Variants in MARCHF1 observed in about 807,000 individuals in gnomAD.
The protein encoded by MARCHF1 is E3 ubiquitin-protein ligase MARCHF1.
Under a neutral mutation model 54.2 loss-of-function variants are expected in MARCHF1, and 40 were observed. That is an observed-to-expected ratio of 0.74 (90% confidence interval 0.57 to 0.96). The LOEUF is 0.96. Among genes scored for constraint, MARCHF1 ranks in the 40% least tolerant of loss-of-function variants. The probability of loss-of-function intolerance (pLI) is 0.00; values close to 1 mark genes in which losing one functional copy is unlikely to be tolerated. For synonymous variants in MARCHF1, 236 were observed against 236.3 expected, an observed-to-expected ratio of 1.00 and a Z score of 0.01; for missense variants, 586 against 656.5, an observed-to-expected ratio of 0.89 and a Z score of 1.17.
intron 8 of MARCHF1, among the ~76,000 whole-genome samples, chr4:163,556,550 TGA>T (rs1739293179): frequency 7.9e-6 from 1 of 126,472 alleles, no homozygotes; most frequent in South Asian, 2.4e-4. Context: ...GTAATTGAGT[TGA>T]TTTTTTTTTT....
At chr4:163,876,611 G>A (rs1324085353) in intron 3 of MARCHF1, among the ~76,000 whole-genome samples, 1 of 148,472 alleles carries the variant, frequency 6.7e-6, no homozygotes, top group Non-Finnish European at 1.5e-5. Flanking sequence ...ACAGGATCAA[G>A]GTAAGGCACA....
At chr4:164,302,249 A>G (rs1240760766) in intron 1 of MARCHF1, among the ~76,000 whole-genome samples, 1 of 152,130 alleles carries the variant, frequency 6.6e-6, no homozygotes, top group African/African-American at 2.4e-5. Flanking sequence ...GGGAACCCCA[A>G]AACATTGGGC....
chr4:163,759,851 C>T (rs1376059986), intron 4 of MARCHF1, among the ~76,000 whole-genome samples: 1 of 152,132 alleles, frequency 6.6e-6, no homozygotes, highest in African/African-American at 2.4e-5. Context: ...TCTCTCTTCA[C>T]TTTCGGTAGG....
intron 2 of MARCHF1, among the ~76,000 whole-genome samples, chr4:164,000,435 A>G (rs1331573696): frequency 6.6e-6 from 1 of 151,640 alleles, no homozygotes; most frequent in Admixed American, 6.6e-5. Context: ...TAGGTTTTGG[A>G]TGGAAAATTC....
At chr4:163,810,915 C>T (rs1748366039) in intron 4 of MARCHF1, among the ~76,000 whole-genome samples, 1 of 152,118 alleles carries the variant, frequency 6.6e-6, no homozygotes, top group African/African-American at 2.4e-5. Flanking sequence ...GCAATAGTGA[C>T]TCAGATACTT....
At chr4:164,351,162 C>T (rs554209252) in intron 1 of MARCHF1, among the ~76,000 whole-genome samples, 1 of 151,674 alleles carries the variant, frequency 6.6e-6, no homozygotes, top group South Asian at 2.1e-4. Flanking sequence ...GATCAAACTG[C>T]AAGGCGGCAG....
intron 1 of MARCHF1, among the ~76,000 whole-genome samples, chr4:164,373,825 A>AT (rs1479265609): frequency 2.0e-5 from 3 of 152,184 alleles, no homozygotes; most frequent in African/African-American, 7.2e-5. Context: ...CCAAGAGAGA[A>AT]TGAGTGGCTT....
chr4:163,926,637 C>T lies in MARCHF1; in HGVS notation c.-39+61864G>A, dbSNP rs778544844. Among the ~76,000 whole-genome samples, 31 of 151,542 alleles carry T rather than the reference C, an allele frequency of 2.0e-4. 1 individual carries two copies. Among genetic ancestry groups the T allele is most frequent in the Non-Finnish European group, 4.6e-4 (31 of 67,628 alleles). On this transcript the variant is annotated intron_variant, in intron 3 of 9. Transcript: ENST00000514618. ...CAGTTGCTCTACATCCTTAAAAATA[C>T]TTAGAAATATCAGTAATTTTAAAAA...
intron 1 of MARCHF1, among the ~76,000 whole-genome samples, chr4:164,220,090 C>T (rs1398408544): frequency 6.6e-6 from 1 of 151,666 alleles, no homozygotes; most frequent in Admixed American, 6.6e-5. Flanking sequence ...CTAAATCCCT[C>T]CTTCCGAAAT....
chr4:163,568,626 C>T (rs1005712292), intron 8 of MARCHF1, among the ~76,000 whole-genome samples: 1 of 152,222 alleles, frequency 6.6e-6, no homozygotes, highest in South Asian at 2.1e-4. Context: ...TTGGAGCACG[C>T]ACCTTCTTCA....
At chr4:163,676,357 C>CA (rs201672647) in intron 5 of MARCHF1, among the ~76,000 whole-genome samples, 9,598 of 106,222 alleles carry the variant, frequency 0.09, 1,075 homozygotes, top group African/African-American at 0.27. Context: ...AACTCTGTCT[C>CA]AAAAAAAAAA....
In MARCHF1 at chr4:163,797,330, T is replaced by C. The variant is rs147079610; in HGVS notation, c.111+56691A>G. Among the ~76,000 whole-genome samples the C allele has an allele frequency of 3.7e-4, 40 of 108,044 alleles. 1 individual carries two copies. The highest frequency in any genetic ancestry group is 1.7e-3 in the Admixed American group (15 of 8,870). 70.9% of individuals were successfully genotyped at this position (108,044 alleles called of 152,430 possible). ...TATGTACTCTCAGTGTGATACGGTG[T>C]GTATGTGTGTGTGTGTGTGTTTATG... On this transcript the variant is annotated intron_variant, in intron 4 of 9. Transcript: ENST00000514618.
At chr4:163,924,919 A>G (rs1006117291) in intron 3 of MARCHF1, among the ~76,000 whole-genome samples, 2 of 151,856 alleles carry the variant, frequency 1.3e-5, no homozygotes, top group African/African-American at 4.8e-5. Context: ...CCATGAACCA[A>G]TTTATCTTTG....
chr4:163,631,210 T>A (rs1266765214), intron 5 of MARCHF1, among the ~76,000 whole-genome samples: 1 of 152,138 alleles, frequency 6.6e-6, no homozygotes, highest in Non-Finnish European at 1.5e-5. Flanking sequence ...AACTTTTTTT[T>A]TTTTGAGATG....
At chr4:163,953,867 C>T (rs1370311985) in intron 3 of MARCHF1, among the ~76,000 whole-genome samples, 1 of 152,062 alleles carries the variant, frequency 6.6e-6, no homozygotes, top group Non-Finnish European at 1.5e-5. Context: ...CTTACAATGG[C>T]AGAGTTGAGT....
intron 1 of MARCHF1, chr4:164,190,081 A>G: frequency 1.4e-6 from 2 of 1,419,494 alleles, no homozygotes; most frequent in Non-Finnish European, 2.0e-6. Context: ...AGCTATGGCT[A>G]TTCTCTAAAG....
intron 4 of MARCHF1, among the ~76,000 whole-genome samples, chr4:163,811,591 T>G (rs1748389990): frequency 6.6e-6 from 1 of 152,142 alleles, no homozygotes; most frequent in Admixed American, 6.5e-5. Flanking sequence ...TAGAATCCAA[T>G]TTCCGATGCC....
At chr4:163,751,032 T>G (rs1204181521) in intron 4 of MARCHF1, among the ~76,000 whole-genome samples, 1 of 152,118 alleles carries the variant, frequency 6.6e-6, no homozygotes, top group African/African-American at 2.4e-5. Context: ...GATGGAAGAA[T>G]GACCACAAAA....
At chr4:163,741,776 C>T (rs993378380) in intron 4 of MARCHF1, among the ~76,000 whole-genome samples, 3 of 152,058 alleles carry the variant, frequency 2.0e-5, no homozygotes, top group African/African-American at 7.2e-5. Context: ...TTTATGTTAT[C>T]TCTGTTCTCT....
Sources: allele counts gnomAD v4.1 joint callset (sites outside exome capture counted in the v4.1 genomes callset), GRCh38; gene constraint gnomAD v4.1.1; transcripts MANE v1.5; gene names NCBI Gene and HGNC (gene_info 2026-07-23, HGNC 2026-07-21).